SPAST: variants seen among roughly 807,000 people sequenced by gnomAD.
SPAST encodes the protein spastin.
In SPAST, 30 loss-of-function variants were observed where a neutral mutation model predicts 76.6. The ratio of observed to expected loss-of-function variants is 0.39; its 90% CI spans 0.29 to 0.53. The LOEUF (loss-of-function observed/expected upper bound fraction) is 0.53, where lower values mean the gene tolerates loss of function less well. Ranked by LOEUF, SPAST falls within the 20% of genes least tolerant of loss-of-function variation. The pLI is 0.68. For missense variants in SPAST, 717 were observed against 770.5 expected, an observed-to-expected ratio of 0.93 and a Z score of 0.82; for synonymous variants, 305 against 281.0, an observed-to-expected ratio of 1.09 and a Z score of -0.86.
At chr2:32,087,004 A>G (rs957696599) in intron 1 of SPAST, among the ~76,000 whole-genome samples, 4 of 152,164 alleles carry the variant, frequency 2.6e-5, no homozygotes, top group Non-Finnish European at 4.4e-5. Flanking sequence ...GTGTTATTAA[A>G]TGCCACACTT....
intron 7 of SPAST, among the ~76,000 whole-genome samples, chr2:32,119,611 C>T (rs1010771842): frequency 1.3e-5 from 2 of 152,164 alleles, no homozygotes; most frequent in African/African-American, 4.8e-5. Context: ...AAAACTTCTC[C>T]ATCTTCCTTC....
rs778599351 is a variant in SPAST, at chr2:32,154,691, T to C, written c.*195T>C. 2 of 600,116 alleles carry C rather than the reference T, an allele frequency of 3.3e-6. No individual in the cohort carries two copies. The highest frequency in any genetic ancestry group is 6.0e-5 in the East Asian group (2 of 33,476). 37.2% of individuals were successfully genotyped at this position (600,116 alleles called of 1,614,324 possible). Reference sequence around the variant, plus strand: ...ATACAATGCAAATGTAATTTTTTGTTGTTTAAGGCCTTGCCTTGATGGTCA... The same window carrying C: ...ATACAATGCAAATGTAATTTTTTGTCGTTTAAGGCCTTGCCTTGATGGTCA... On this transcript the variant is annotated 3_prime_UTR_variant, in exon 17 of 17. Transcript: ENST00000315285.
At chr2:32,082,946 T>G (rs1038814555) in intron 1 of SPAST, among the ~76,000 whole-genome samples, 13 of 152,238 alleles carry the variant, frequency 8.5e-5, no homozygotes, top group Non-Finnish European at 1.8e-4. Flanking sequence ...CTGTTTTTGT[T>G]ATTGTTGTTG....
chr2:32,121,033 T>G (rs889483140), intron 7 of SPAST, among the ~76,000 whole-genome samples: 3 of 152,226 alleles, frequency 2.0e-5, no homozygotes, highest in African/African-American at 7.2e-5. Context: ...GACTTCTTAT[T>G]TCTATTTCCC....
intron 14 of SPAST, among the ~76,000 whole-genome samples, chr2:32,143,620 C>CT (rs1434759602): frequency 3.3e-5 from 5 of 152,060 alleles, no homozygotes; most frequent in Non-Finnish European, 7.4e-5. Flanking sequence ...TGGCTATGTC[C>CT]TTTGCAAGAC....
chr2:32,117,530 T>A (rs552583670), intron 7 of SPAST, among the ~76,000 whole-genome samples: 1 of 126,654 alleles, frequency 7.9e-6, no homozygotes, highest in African/African-American at 3.0e-5. Context: ...GTAGAATAAT[T>A]CTTTTTTTTT....
Position 32,087,410 on chromosome 2 carries a change from A to T in SPAST, c.416-82A>T, listed in dbSNP as rs527783064. The stretch of plus-strand genomic sequence containing the variant: ...AGACTTGTTCACAACCCTGTTTTTT[A>T]TGTATTACCTCTCAACAGCATGATT... On this transcript the variant is annotated intron_variant, in intron 1 of 16. Coordinates refer to ENST00000315285, the MANE Select transcript of SPAST (RefSeq NM_014946.4). 2.1e-4 allele frequency: 166 copies of T among 794,942 alleles called. No individual in the cohort carries two copies. In the African/African-American group the frequency reaches 2.6e-3, roughly 12 times the overall value. 49.2% of individuals were successfully genotyped at this position (794,942 alleles called of 1,614,324 possible).
chr2:32,114,332 T>G (rs1678739369), intron 4 of SPAST, among the ~76,000 whole-genome samples: 1 of 152,084 alleles, frequency 6.6e-6, no homozygotes, highest in Non-Finnish European at 1.5e-5. Context: ...ATGGATCACT[T>G]GAGCCCAGGA....
chr2:32,088,234 T>C (rs900163970), intron 2 of SPAST, among the ~76,000 whole-genome samples: 1 of 151,900 alleles, frequency 6.6e-6, no homozygotes, highest in African/African-American at 2.4e-5. Flanking sequence ...GGTCTCACTG[T>C]GTTTCTGTGA....
At chr2:32,074,795 C>T (rs1343259515) in intron 1 of SPAST, among the ~76,000 whole-genome samples, 2 of 152,168 alleles carry the variant, frequency 1.3e-5, no homozygotes, top group African/African-American at 4.8e-5. Flanking sequence ...GCATGAGTCA[C>T]TGCACCTGGC....
intron 1 of SPAST, among the ~76,000 whole-genome samples, chr2:32,079,188 A>G (rs1270895921): frequency 6.6e-6 from 1 of 152,144 alleles, no homozygotes; most frequent in Non-Finnish European, 1.5e-5. Flanking sequence ...TAATAGAGGA[A>G]TATAGTAAAG....
Position 32,098,853 on chromosome 2 carries a change from G to T in SPAST, c.644G>T (p.Ser215Ile), listed in dbSNP as rs774722817. Residue 215 changes from serine to isoleucine, a missense_variant, in exon 4 of 17, where the codon AGT becomes ATT. Around this residue, in one of 3 missense-constraint regions of SPAST, gnomAD observed 543 missense variants for 445.2 expected, o/e 1.22. Transcript: ENST00000315285. ...SKSQTDVYND[S>I]TNLACRNGHL... ...TCACAAACGGACGTCTATAATGACA[G>T]TACTAACTTGGCATGCCGCAATGGA... 6.2e-7 allele frequency: 1 copy of T among 1,613,790 alleles called. No homozygotes were observed. The highest frequency in any genetic ancestry group is 8.5e-7 in the Non-Finnish European group (1 of 1,179,822).
chr2:32,076,827 GCTGGGA>G (rs1419657597), intron 1 of SPAST, among the ~76,000 whole-genome samples: 2 of 152,086 alleles, frequency 1.3e-5, no homozygotes, highest in Admixed American at 1.3e-4. Context: ...CTCTCAAGCA[GCTGGGA>G]CTATAGGTGT....
rs1679708207 is a variant in SPAST, at chr2:32,141,155, A to G, written c.1494-749A>G. 2.0e-5 allele frequency among the ~76,000 whole-genome samples: 3 copies of G among 152,244 alleles called. No individual in the cohort carries two copies. The South Asian group carries it at 6.2e-4, about 32-fold the overall frequency. ...GAAGCCCTACCTAATAATGAAGTAT[A>G]TGTGTATGTAAATAAGAGATAGGGT... On this transcript the variant is annotated intron_variant, in intron 12 of 16. Transcript: ENST00000315285.
At chr2:32,089,470 A>G (rs1677625012) in intron 2 of SPAST, 52 bp from the exon 3 acceptor site, 1 of 1,019,442 alleles carries the variant, frequency 9.8e-7, no homozygotes, top group Admixed American at 1.7e-5. Flanking sequence ...ATTTATCGTG[A>G]AACAATATTA....
rs192860143 is a variant in SPAST, at chr2:32,148,847, G to A, written c.1728+1589G>A. ...AAAATAGCTGGGCATGGTGGCACGT[G>A]CCTGTGGTCCTGGCTACTTGGGAAG... On this transcript the variant is annotated intron_variant, in intron 16 of 16. Coordinates refer to ENST00000315285, the MANE Select transcript of SPAST (RefSeq NM_014946.4). Among the ~76,000 whole-genome samples, 641 of 149,944 alleles carry A rather than the reference G, an allele frequency of 4.3e-3. 8 individuals are homozygous for A. The highest frequency in any genetic ancestry group is 0.015 in the African/African-American group (633 of 40,840).
chr2:32,107,901 C>G (rs184900102), intron 4 of SPAST, among the ~76,000 whole-genome samples: 184 of 152,246 alleles, frequency 1.2e-3, no homozygotes, highest in African/African-American at 4.3e-3. Flanking sequence ...TGATGTTTTA[C>G]TTGGATGAGT....
intron 7 of SPAST, 194 bp from the exon 8 acceptor site, chr2:32,126,754 G>A (rs1264296342): frequency 3.7e-6 from 2 of 539,684 alleles, no homozygotes; most frequent in Non-Finnish European, 6.6e-6. Context: ...CCTAAAGTCT[G>A]GGATTACAGG....
intron 7 of SPAST, 53 bp downstream of exon 7, chr2:32,116,265 T>C (rs371103188): frequency 1.6e-4 from 153 of 968,656 alleles, no homozygotes; most frequent in African/African-American, 1.5e-4. Flanking sequence ...ACTGAATCCA[T>C]AGTAGTAGTA....
Sources: allele counts gnomAD v4.1 joint callset (sites outside exome capture counted in the v4.1 genomes callset), GRCh38; gene constraint gnomAD v4.1.1; regional missense constraint gnomAD v4.1.1; transcripts MANE v1.5; gene names NCBI Gene and HGNC (gene_info 2026-07-23, HGNC 2026-07-21).